PRKCB: variants seen among roughly 807,000 people sequenced by gnomAD.
PRKCB encodes the protein protein kinase C beta.
A neutral mutation model predicts 81.5 loss-of-function variants in PRKCB; 13 were observed. That is an observed-to-expected ratio of 0.16 (90% CI 0.10 to 0.25). PRKCB has a LOEUF of 0.25. PRKCB is among the 10% of genes least tolerant of loss of function. The pLI, the probability that PRKCB is intolerant of heterozygous loss-of-function variation, is 1.00. For missense variants in PRKCB, 509 were observed against 875.7 expected (o/e 0.58, Z 5.29); for synonymous variants, 335 against 321.4 (o/e 1.04, Z -0.45).
chr16:24,040,183 A>T (rs1293980920), intron 5 of PRKCB, among the ~76,000 whole-genome samples: 1 of 152,170 alleles, frequency 6.6e-6, no homozygotes, highest in East Asian at 1.9e-4. Flanking sequence ...ATGAGAATAA[A>T]TCTGATCAGT....
intron 15 of PRKCB, 34 bp from the exon 16 acceptor site, chr16:24,191,056 C>T (rs1412053292): frequency 6.2e-7 from 1 of 1,604,380 alleles, no homozygotes; most frequent in East Asian, 2.2e-5. Flanking sequence ...TCTTCTGAAA[C>T]TCAGCAAATT....
chr16:23,972,303 T>A (rs1173834156), intron 2 of PRKCB, among the ~76,000 whole-genome samples: 4 of 152,212 alleles, frequency 2.6e-5, no homozygotes, highest in African/African-American at 4.8e-5. Flanking sequence ...ATGCTCTGTA[T>A]CTCAATTTTG....
At chr16:24,167,803 G>T (rs905086630) in intron 10 of PRKCB, among the ~76,000 whole-genome samples, 2 of 152,270 alleles carry the variant, frequency 1.3e-5, no homozygotes, top group South Asian at 2.1e-4. Flanking sequence ...AATGCCTAAG[G>T]TTCAGACCCT....
At position 24,048,630 on chromosome 16, in the gene PRKCB, C is replaced by T. The variant is rs533768125; in HGVS notation, c.529+13083C>T. Among the ~76,000 whole-genome samples the T allele has an allele frequency of 3.3e-5, 5 of 152,210 alleles. No homozygotes were observed. In the East Asian group the frequency reaches 9.6e-4, roughly 29 times the overall value. On this transcript the variant is annotated intron_variant, in intron 5 of 16. Coordinates refer to ENST00000643927, the MANE Select transcript of PRKCB (RefSeq NM_002738.7). ...TCAGCCTTCCAAGTAGCTGGGACTA[C>T]AGGCATGCGCCACCATGCCCAGCTA...
At chr16:24,064,277 C>T (rs1204259584) in intron 5 of PRKCB, among the ~76,000 whole-genome samples, 3 of 152,100 alleles carry the variant, frequency 2.0e-5, no homozygotes, top group Admixed American at 6.5e-5. Context: ...TTCAGCCTAT[C>T]TTCTTTCCTA....
chr16:23,951,918 A>G (rs1964290030), intron 2 of PRKCB, among the ~76,000 whole-genome samples: 1 of 152,084 alleles, frequency 6.6e-6, no homozygotes, highest in South Asian at 2.1e-4. Flanking sequence ...TACCTTGTAT[A>G]TACTCCTTGA....
At chr16:23,869,199 G>C (rs977541424) in intron 2 of PRKCB, 10 of 443,792 alleles carry the variant, frequency 2.3e-5, no homozygotes, top group African/African-American at 2.0e-4. Context: ...TTAAACAGAG[G>C]CTTTGAGAAG....
intron 9 of PRKCB, among the ~76,000 whole-genome samples, chr16:24,148,254 C>T (rs545838672): frequency 3.3e-5 from 5 of 152,226 alleles, no homozygotes; most frequent in South Asian, 4.2e-4. Context: ...CATCACTTCC[C>T]GAAGAGCATC....
chr16:23,916,155 G>A (rs998907928), intron 2 of PRKCB, among the ~76,000 whole-genome samples: 2 of 151,858 alleles, frequency 1.3e-5, no homozygotes, highest in East Asian at 3.9e-4. Flanking sequence ...CTGGGCTCAA[G>A]CGATTCTCCC....
rs1017025478 is a variant in PRKCB at position 24,219,160 on chromosome 16, A to G, written c.*4344A>G. The stretch of plus-strand genomic sequence containing the variant: ...ACTTGCCCCAAGCAATTGCTAGTAA[A>G]TGGGGGTTAATTTCTTCTCCACCTC... On this transcript the variant is annotated 3_prime_UTR_variant, in exon 17 of 17. Transcript: ENST00000643927. The G allele has an allele frequency of 2.7e-5, 27 of 984,540 alleles. No homozygotes were observed. The African/African-American group carries it at 3.7e-4, about 13-fold the overall frequency. The allele number at this position is 984,540 out of a possible 1,614,324, so 61.0% of individuals were successfully genotyped here.
chr16:23,934,302 A>G (rs1404585200), intron 2 of PRKCB, among the ~76,000 whole-genome samples: 1 of 137,704 alleles, frequency 7.3e-6, no homozygotes, highest in Admixed American at 7.6e-5. Context: ...ATTTTTAGGC[A>G]TTGAGGAAAA....
intron 11 of PRKCB, among the ~76,000 whole-genome samples, chr16:24,173,238 G>A (rs994055520): frequency 1.3e-5 from 2 of 152,044 alleles, no homozygotes; most frequent in African/African-American, 4.8e-5. Context: ...CATCCCCTTC[G>A]GTTCAAAAGG....
chr16:24,090,648 G>A (rs1206955890), intron 5 of PRKCB, among the ~76,000 whole-genome samples: 2 of 152,166 alleles, frequency 1.3e-5, no homozygotes, highest in Non-Finnish European at 2.9e-5. Flanking sequence ...GGGTTCGAGG[G>A]ACTGATTGGT....
At chr16:23,893,637 G>A (rs1963328042) in intron 2 of PRKCB, 1 of 152,200 alleles carries the variant, frequency 6.6e-6, no homozygotes, top group Admixed American at 6.5e-5. Context: ...ATATAAATAT[G>A]TGTACTTCTT....
Position 24,085,560 on chromosome 16 carries a change from A to G in PRKCB, c.530-7231A>G, listed in dbSNP as rs528302720. ...TTTGGACTCTCTTAAGAGTGAGAGG[A>G]CAACAGTTCTAAATTGAGGTTGCTC... On this transcript the variant is annotated intron_variant, in intron 5 of 16. Coordinates refer to ENST00000643927, the MANE Select transcript of PRKCB (RefSeq NM_002738.7). Among the ~76,000 whole-genome samples the G allele has an allele frequency of 3.3e-5, 5 of 152,294 alleles. No homozygotes were observed. The East Asian group carries it at 9.6e-4, about 29-fold the overall frequency.
At chr16:24,202,166 C>A (rs1309630642) in intron 16 of PRKCB, among the ~76,000 whole-genome samples, 2 of 150,634 alleles carry the variant, frequency 1.3e-5, no homozygotes, top group Non-Finnish European at 2.9e-5. Context: ...TGTGCATAAA[C>A]CTGCTATGTC....
At chr16:24,113,447 CTTTG>C (rs999661001) in intron 8 of PRKCB, among the ~76,000 whole-genome samples, 1 of 148,950 alleles carries the variant, frequency 6.7e-6, no homozygotes, top group African/African-American at 2.5e-5. Context: ...TCTGTCCTTC[CTTTG>C]TTTCTTTCTC....
At chr16:24,096,660 AAAAAAAATATATATAT>A (rs1213669329) in intron 7 of PRKCB, among the ~76,000 whole-genome samples, 55 of 38,328 alleles carry the variant, frequency 1.4e-3, no homozygotes, top group Middle Eastern at 0.015. Context: ...GGCAAAAAAA[AAAAAAAATATATATAT>A]ATATATATAT....
intron 5 of PRKCB, among the ~76,000 whole-genome samples, chr16:24,071,787 T>A (rs1966111325): frequency 6.6e-6 from 1 of 151,798 alleles, no homozygotes; most frequent in South Asian, 2.1e-4. Context: ...CTACACCATA[T>A]AAGGAGATGG....
Sources: gnomAD v4.1 joint callset for allele counts (sites outside exome capture counted in the v4.1 genomes callset) on GRCh38, gnomAD v4.1.1 for gene constraint, MANE v1.5 for transcripts, NCBI Gene and HGNC (gene_info 2026-07-23, HGNC 2026-07-21) for gene names.